The following EPB41L3 variants were observed in gnomAD, a reference collection of about 807,000 sequenced individuals.
EPB41L3 encodes the protein band 4.1-like protein 3.
EPB41L3 carries 57 observed loss-of-function variants against 127.1 expected under a neutral mutation model. The observed-to-expected ratio is 0.45, with a 90% CI of 0.36 to 0.56. The LOEUF (loss-of-function observed/expected upper bound fraction) is 0.56, where lower values mean the gene tolerates loss of function less well. Among genes scored for constraint, EPB41L3 ranks in the 20% least tolerant of loss-of-function variants. The probability of loss-of-function intolerance (pLI) is 0.00; values close to 1 mark genes in which losing one functional copy is unlikely to be tolerated. For synonymous variants in EPB41L3, 572 were observed against 549.5 expected (o/e 1.04, Z -0.57); for missense variants, 1,273 against 1,372.2 (o/e 0.93, Z 1.14).
Position 5,397,258 on chromosome 18 carries a change from C to A in EPB41L3, c.2641G>T (p.Ala881Ser), listed in dbSNP as rs549623795. 3.1e-6 allele frequency: 5 copies of A among 1,614,064 alleles called. No homozygotes were observed. The South Asian group carries it at 5.5e-5, about 18-fold the overall frequency. ...SYSAGDSGDA[A>S]AQPAFTGIKG... ...ATGCCTGTGAATGCGGGCTGTGCTG[C>A]AGCATCCCCGCTGTCTCCCGCCGAG... is the stretch of plus-strand genomic sequence containing the variant. Residue 881 changes from alanine (A) to serine (S), a missense_variant, in exon 18 of 23, where the codon GCA becomes TCA. This residue lies in a region of EPB41L3 where 765 missense variants were observed against 782.9 expected (regional missense o/e 0.98). Coordinates refer to ENST00000341928, the MANE Select transcript of EPB41L3 (RefSeq NM_012307.5). This position sits in a 1 kb window ranked among gnomAD's most constrained non-coding sequence, Gnocchi z 4.1.
chr18:5,426,081 C>G (rs1396886788), intron 9 of EPB41L3, among the ~76,000 whole-genome samples: 1 of 152,210 alleles, frequency 6.6e-6, no homozygotes, highest in Non-Finnish European at 1.5e-5. Context: ...ATTTCTTCAG[C>G]TCCTTGGCCC....
chr18:5,476,237 G>A (rs1057504631), intron 3 of EPB41L3, among the ~76,000 whole-genome samples: 1 of 151,948 alleles, frequency 6.6e-6, no homozygotes, highest in African/African-American at 2.4e-5. Context: ...AATGTCTGTG[G>A]TGAAACTGAA....
Position 5,416,271 on chromosome 18 carries a change from T to A in EPB41L3, c.1614A>T (p.Lys538Asn). 1 of 1,614,014 alleles carries A rather than the reference T, an allele frequency of 6.2e-7. No homozygotes were observed. The highest frequency in any genetic ancestry group is 8.5e-7 in the Non-Finnish European group (1 of 1,180,002). The change falls in exon 13 of 23, where the codon AAA (lysine) becomes AAT (asparagine). Residue 538 changes from lysine to asparagine, a missense_variant. By Grantham distance (94) the Lys-to-Asn change is moderately conservative. This residue lies in a region of EPB41L3 where 765 missense variants were observed against 782.9 expected (regional missense o/e 0.98). Transcript: ENST00000341928. The stretch of plus-strand genomic sequence containing the variant: ...CTCTGGACGGCTCATAACCTGGCAG[T>A]TTGCAGTCATTCTCCTTACACCTCC... The part of the protein sequence containing the change: ...LRRRCKENDC[K>N]LPGYEPSRAE...
Position 5,543,071 on chromosome 18 carries a change from C to T in EPB41L3, c.-12+842G>A, listed in dbSNP as rs1427717290. Among the ~76,000 whole-genome samples the T allele has an allele frequency of 6.6e-6, 1 of 151,836 alleles. No homozygotes were observed. The highest frequency in any genetic ancestry group is 1.5e-5 in the Non-Finnish European group (1 of 67,926). ...CCCGAGGGCGCCAGGTGAGTCGCGC[C>T]GCCCCGAGCCCCCGGGCCACGGCAG... is the stretch of plus-strand genomic sequence containing the variant. On this transcript the variant is annotated intron_variant, in intron 1 of 22. Transcript: ENST00000341928. This position sits in a 1 kb window ranked among gnomAD's most constrained non-coding sequence, Gnocchi z 5.2.
chr18:5,493,017 T>C (rs1037448074), intron 1 of EPB41L3, among the ~76,000 whole-genome samples: 1 of 152,206 alleles, frequency 6.6e-6, no homozygotes, highest in Non-Finnish European at 1.5e-5. Flanking sequence ...GTCATTGCCA[T>C]GCATTTTGGG....
At chr18:5,434,633 A>G (rs2079481518) in intron 6 of EPB41L3, among the ~76,000 whole-genome samples, 2 of 152,222 alleles carry the variant, frequency 1.3e-5, no homozygotes, top group African/African-American at 4.8e-5. Flanking sequence ...CGTCATAGCT[A>G]TCTTAATGTC....
intron 16 of EPB41L3, among the ~76,000 whole-genome samples, chr18:5,403,533 T>C (rs536803311): frequency 3.4e-4 from 52 of 151,498 alleles, no homozygotes; most frequent in African/African-American, 1.2e-3. Context: ...GATGGTAACA[T>C]TAAAACTCAA....
chr18:5,411,852 C>T (rs530033301), intron 13 of EPB41L3, among the ~76,000 whole-genome samples: 89 of 152,182 alleles, frequency 5.8e-4, no homozygotes, highest in African/African-American at 2.1e-3. Flanking sequence ...GTTACGTACT[C>T]CTAAAAGAAA....
At chr18:5,478,545 T>C (rs1265251481) in intron 2 of EPB41L3, 107 bp from the exon 3 acceptor site, 6 of 930,642 alleles carry the variant, frequency 6.4e-6, no homozygotes, top group East Asian at 5.0e-5. Flanking sequence ...AGGAGAGGTA[T>C]TGAATTAGGA....
intron 14 of EPB41L3, among the ~76,000 whole-genome samples, chr18:5,410,071 G>T (rs543726132): frequency 6.6e-6 from 1 of 152,174 alleles, no homozygotes; most frequent in African/African-American, 2.4e-5. Context: ...AATGAGTCAG[G>T]TAAGTCTTAT....
At chr18:5,417,686 G>T (rs924856146) in intron 12 of EPB41L3, among the ~76,000 whole-genome samples, 1 of 152,188 alleles carries the variant, frequency 6.6e-6, no homozygotes, top group African/African-American at 2.4e-5. Context: ...TACATCTGAG[G>T]CATGAGGGAA....
chr18:5,619,587 C>T lies in EPB41L3; in HGVS notation c.-467-5164G>A, dbSNP rs866616902. On this transcript the variant is annotated intron_variant, in intron 1 of 21. Transcript: ENST00000545076. ...GAGTCAGGCAGGAATGTGCCACTTG[C>T]GATATTCCAGCCAGGTCTAGTGGAC... is the stretch of plus-strand genomic sequence containing the variant. 9.9e-5 allele frequency among the ~76,000 whole-genome samples: 15 copies of T among 152,254 alleles called. 1 individual carries two copies. The highest frequency in any genetic ancestry group is 6.2e-4 in the South Asian group (3 of 4,820).
intron 16 of EPB41L3, chr18:5,398,371 T>C (rs2073942669): frequency 5.4e-6 from 3 of 553,366 alleles, no homozygotes; most frequent in Non-Finnish European, 6.3e-6. Flanking sequence ...GGCGCCGATT[T>C]AAGCAGATAT....
chr18:5,410,481 CAT>C, intron 14 of EPB41L3, 83 bp downstream of exon 14: 1 of 928,138 alleles, frequency 1.1e-6, no homozygotes, highest in Non-Finnish European at 1.8e-6. Flanking sequence ...TACAACAGCT[CAT>C]ATGTGGAGTT....
chr18:5,473,816 T>A (rs188038945), intron 3 of EPB41L3, among the ~76,000 whole-genome samples: 3 of 152,330 alleles, frequency 2.0e-5, no homozygotes, highest in Non-Finnish European at 4.4e-5. Flanking sequence ...GTGATTTTGT[T>A]GGCATACATG....
chr18:5,437,835 G>A (rs2080086160), intron 6 of EPB41L3, among the ~76,000 whole-genome samples, 200 bp downstream of exon 6: 1 of 152,160 alleles, frequency 6.6e-6, no homozygotes, highest in Admixed American at 6.5e-5. Context: ...ATATCAGCCT[G>A]GCACCAAAGA....
chr18:5,443,518 C>A lies in EPB41L3; in HGVS notation c.529+320G>T, dbSNP rs530149798. Among the ~76,000 whole-genome samples the A allele has an allele frequency of 1.3e-4, 20 of 152,306 alleles. No individual in the cohort carries two copies. The South Asian group carries it at 3.7e-3, about 28-fold the overall frequency. ...TGAAATGATTATGACTTTCATCTGG[C>A]CTTTCATACTTTTGTGACTGTTGGA... On this transcript the variant is annotated intron_variant, in intron 5 of 22. Coordinates refer to ENST00000341928, the MANE Select transcript of EPB41L3 (RefSeq NM_012307.5).
intron 13 of EPB41L3, among the ~76,000 whole-genome samples, chr18:5,412,484 C>G (rs1327577415): frequency 6.6e-6 from 1 of 152,142 alleles, no homozygotes; most frequent in Non-Finnish European, 1.5e-5. Context: ...CCTCGGCCCC[C>G]TAAAGTATTG....
At chr18:5,479,275 C>A (rs1488730029) in intron 2 of EPB41L3, among the ~76,000 whole-genome samples, 2 of 152,220 alleles carry the variant, frequency 1.3e-5, no homozygotes, top group Admixed American at 1.3e-4. Flanking sequence ...GATCCTTGGG[C>A]TGCGCCACCA....
Sources: allele counts gnomAD v4.1 joint callset (sites outside exome capture counted in the v4.1 genomes callset), GRCh38; gene constraint gnomAD v4.1.1; regional missense constraint gnomAD v4.1.1; non-coding constraint Gnocchi (gnomAD v3.1); transcripts MANE v1.5; gene names NCBI Gene and HGNC (gene_info 2026-07-23, HGNC 2026-07-21).